The following SLC14A2 variants were observed in gnomAD, a reference collection of about 807,000 sequenced individuals.
The protein encoded by SLC14A2 is urea transporter 2.
Under a neutral mutation model 104.6 loss-of-function variants are expected in SLC14A2, and 91 were observed. That is an observed-to-expected ratio of 0.87 (90% CI 0.73 to 1.04). The LOEUF (loss-of-function observed/expected upper bound fraction) is 1.04, where lower values mean the gene tolerates loss of function less well. Among genes scored for constraint, SLC14A2 ranks in the 50% least tolerant of loss-of-function variants. The pLI, the probability that SLC14A2 is intolerant of heterozygous loss-of-function variation, is 0.00. For synonymous variants in SLC14A2, 476 were observed against 466.4 expected (o/e 1.02, Z -0.27); for missense variants, 1,189 against 1,156.0 (o/e 1.03, Z -0.41).
chr18:45,421,210 C>T lies in SLC14A2; in HGVS notation c.-124-62023C>T, dbSNP rs552283396. On this transcript the variant is annotated intron_variant, in intron 1 of 20. Coordinates refer to the SLC14A2 transcript ENST00000586448. ...ACGTGCAGAATTTTATTATTTTTAA[C>T]TAATCTCTTAGAGTTGTCCCACCCA... Among the ~76,000 whole-genome samples, 44 of 151,274 alleles carry T rather than the reference C, an allele frequency of 2.9e-4. 1 individual carries two copies. In the South Asian group the frequency reaches 8.6e-3, roughly 29 times the overall value.
chr18:45,616,222 T>C (rs1469728938), intron 1 of SLC14A2, among the ~76,000 whole-genome samples: 2 of 152,190 alleles, frequency 1.3e-5, no homozygotes, highest in Admixed American at 6.5e-5. Context: ...ATTGACACAT[T>C]ACCCCTACGT....
chr18:45,322,976 A>C (rs1297693829), intron 1 of SLC14A2, among the ~76,000 whole-genome samples: 4 of 152,250 alleles, frequency 2.6e-5, no homozygotes, highest in Admixed American at 6.5e-5. Context: ...AACAGAGATG[A>C]ATGCAAAGTT....
At chr18:45,341,140 T>G (rs2085389533) in intron 1 of SLC14A2, among the ~76,000 whole-genome samples, 1 of 151,208 alleles carries the variant, frequency 6.6e-6, no homozygotes, top group South Asian at 2.1e-4. Context: ...ATATATAGCC[T>G]CAGGCATTTC....
At chr18:45,169,888 C>G in the SLC14A2 span, among the ~76,000 whole-genome samples, 4 of 152,144 alleles carry the variant, frequency 2.6e-5, no homozygotes, top group Non-Finnish European at 5.9e-5. Flanking sequence ...TATCCTTGCT[C>G]TCAGCACAGG....
intron 1 of SLC14A2, among the ~76,000 whole-genome samples, chr18:45,403,842 G>A (rs1294277571): frequency 6.6e-6 from 1 of 152,092 alleles, no homozygotes; most frequent in African/African-American, 2.4e-5. Flanking sequence ...TGCTTAAGAT[G>A]CCTCAGTGAC....
intron 1 of SLC14A2, among the ~76,000 whole-genome samples, chr18:45,425,466 A>G (rs977389068): frequency 2.0e-5 from 3 of 152,144 alleles, no homozygotes; most frequent in African/African-American, 7.2e-5. Context: ...TCCACCTGAG[A>G]ACTGTATCCT....
At chr18:45,618,991 G>A (rs1186160225) in intron 1 of SLC14A2, among the ~76,000 whole-genome samples, 3 of 152,186 alleles carry the variant, frequency 2.0e-5, no homozygotes, top group Admixed American at 2.0e-4. Flanking sequence ...GTACAATAGA[G>A]CAGGAGCCAC....
chr18:45,237,782 C>T (rs1471493656), intron 1 of SLC14A2, among the ~76,000 whole-genome samples: 4 of 152,206 alleles, frequency 2.6e-5, no homozygotes, highest in Admixed American at 2.0e-4. Flanking sequence ...GAGAGGCTGA[C>T]AGTAAGACCA....
intron 1 of SLC14A2, among the ~76,000 whole-genome samples, chr18:45,269,010 A>G (rs1008108223): frequency 2.8e-5 from 4 of 143,926 alleles, no homozygotes; most frequent in Admixed American, 7.2e-5. Context: ...GGGAGGAGGC[A>G]TGGGTCACTA....
the SLC14A2 span, among the ~76,000 whole-genome samples, chr18:45,170,641 T>A: frequency 6.6e-6 from 1 of 152,214 alleles, no homozygotes; most frequent in Non-Finnish European, 1.5e-5. Flanking sequence ...CTCATAGAAC[T>A]TTTCAATTCA....
Position 45,656,534 on chromosome 18 carries a change from A to G in SLC14A2, c.1352-7251A>G, listed in dbSNP as rs532864418. Among the ~76,000 whole-genome samples the G allele has an allele frequency of 4.6e-5, 7 of 152,288 alleles. No homozygotes were observed. The East Asian group carries it at 1.4e-3, about 29-fold the overall frequency. On this transcript the variant is annotated intron_variant, in intron 10 of 19. Transcript: ENST00000255226. ...GAAGCTAAGAATGGATTGAAAGAGGAAAGATCAAAATTAGGAAGACTGATG... is the reference window on the plus strand; with the variant it reads ...GAAGCTAAGAATGGATTGAAAGAGGGAAGATCAAAATTAGGAAGACTGATG...
intron 2 of SLC14A2, among the ~76,000 whole-genome samples, chr18:45,552,042 T>C (rs891006667): frequency 1.3e-5 from 2 of 152,208 alleles, no homozygotes; most frequent in Non-Finnish European, 2.9e-5. Flanking sequence ...TTTGTAGCTT[T>C]AGAAATAAGA....
intron 1 of SLC14A2, among the ~76,000 whole-genome samples, chr18:45,374,950 C>T (rs1208041170): frequency 6.6e-6 from 1 of 152,192 alleles, no homozygotes; most frequent in Non-Finnish European, 1.5e-5. Flanking sequence ...TAGAGAGACT[C>T]TTGAACGCAC....
At chr18:45,438,978 A>G (rs914878228) in intron 1 of SLC14A2, among the ~76,000 whole-genome samples, 1 of 152,198 alleles carries the variant, frequency 6.6e-6, no homozygotes, top group Admixed American at 6.5e-5. Context: ...AGACAGTGGC[A>G]GCCCTGGTAT....
chr18:45,635,158 G>A (rs1224586780), intron 5 of SLC14A2, among the ~76,000 whole-genome samples: 1 of 152,196 alleles, frequency 6.6e-6, no homozygotes, highest in Non-Finnish European at 1.5e-5. Context: ...ATTCTGTTTG[G>A]ACACATTATA....
At position 45,404,777 on chromosome 18, in the gene SLC14A2, A is replaced by G. The variant is rs540403098; in HGVS notation, c.-124-78456A>G. ...CCTTGGGAAGGTCACTTTCCTCTTT[A>G]TGCTTTAACCAGTCTTCTGTGTGTG... On this transcript the variant is annotated intron_variant, in intron 1 of 20. Coordinates refer to the SLC14A2 transcript ENST00000586448. 5.9e-5 allele frequency among the ~76,000 whole-genome samples: 9 copies of G among 152,284 alleles called. 1 individual carries two copies. Among genetic ancestry groups the G allele is most frequent in the Admixed American group, 3.9e-4 (6 of 15,290 alleles).
At chr18:45,256,072 C>A (rs1302549579) in intron 1 of SLC14A2, among the ~76,000 whole-genome samples, 1 of 152,160 alleles carries the variant, frequency 6.6e-6, no homozygotes, top group Non-Finnish European at 1.5e-5. Context: ...TGGGACTCAG[C>A]GTTCTGGAGG....
At position 45,575,961 on chromosome 18, in the gene SLC14A2, A is replaced by ATC. The variant is rs1320156911; in HGVS notation, c.-34-48668_-34-48667dup. 1.5e-4 allele frequency among the ~76,000 whole-genome samples: 23 copies of ATC among 152,312 alleles called. No homozygotes were observed. In the South Asian group the frequency reaches 3.3e-3, roughly 22 times the overall value. ...GTGCCCCGGCTGGGGAGCAGAGGCC[A>ATC]TCTACAGCATCTTGCTCTAACTTGA... On this transcript the variant is annotated intron_variant, in intron 2 of 20. Coordinates refer to the SLC14A2 transcript ENST00000586448.
intron 1 of SLC14A2, among the ~76,000 whole-genome samples, chr18:45,397,286 A>G (rs533002767): frequency 6.6e-6 from 1 of 152,208 alleles, no homozygotes; most frequent in East Asian, 1.9e-4. Flanking sequence ...CACCAACACC[A>G]TATGTATTCC....
Sources: gnomAD v4.1 joint callset for allele counts (sites outside exome capture counted in the v4.1 genomes callset) on GRCh38, gnomAD v4.1.1 for gene constraint, MANE v1.5 for transcripts, NCBI Gene and HGNC (gene_info 2026-07-23, HGNC 2026-07-21) for gene names.